The following NTM variants were observed in gnomAD, a reference collection of about 807,000 sequenced individuals.
NTM encodes the protein neurotrimin.
NTM carries 13 observed loss-of-function variants against 42.1 expected under a neutral mutation model. The ratio of observed to expected loss-of-function variants is 0.31; its 90% CI spans 0.20 to 0.49. The LOEUF (loss-of-function observed/expected upper bound fraction) is 0.49, where lower values mean the gene tolerates loss of function less well. NTM is among the 20% of genes least tolerant of loss of function. The pLI is 0.99. For synonymous variants in NTM, 187 were observed against 179.2 expected (o/e 1.04, Z -0.35); for missense variants, 373 against 452.8 (o/e 0.82, Z 1.60).
chr11:131,396,129 A>C (rs1017463817), intron 1 of NTM, among the ~76,000 whole-genome samples: 1 of 152,196 alleles, frequency 6.6e-6, no homozygotes, highest in Admixed American at 6.5e-5. Flanking sequence ...TCAGGTAAAG[A>C]ATTATCTTTC....
At chr11:131,703,105 A>G (rs1592627839) in intron 1 of NTM, among the ~76,000 whole-genome samples, 1 of 152,230 alleles carries the variant, frequency 6.6e-6, no homozygotes, top group East Asian at 1.9e-4. Context: ...CATTAACATT[A>G]GAAGTATTGA....
intron 2 of NTM, among the ~76,000 whole-genome samples, chr11:131,945,813 G>A (rs2060277231): frequency 6.6e-6 from 1 of 152,150 alleles, no homozygotes; most frequent in Non-Finnish European, 1.5e-5. Context: ...CACTCTGATG[G>A]CTCCATTCAG....
chr11:131,680,104 C>T (rs1185731098), intron 1 of NTM, among the ~76,000 whole-genome samples: 1 of 152,056 alleles, frequency 6.6e-6, no homozygotes, highest in East Asian at 1.9e-4. Flanking sequence ...AAGATGTGAA[C>T]CCAGACAAAG....
intron 2 of NTM, among the ~76,000 whole-genome samples, chr11:132,028,587 G>C (rs1383766984): frequency 6.6e-6 from 1 of 152,082 alleles, no homozygotes; most frequent in East Asian, 1.9e-4. Flanking sequence ...CTTCTATAGA[G>C]CCATGAGTAG....
At chr11:131,722,761 A>T (rs1229182148) in intron 1 of NTM, among the ~76,000 whole-genome samples, 1 of 152,220 alleles carries the variant, frequency 6.6e-6, no homozygotes, top group Non-Finnish European at 1.5e-5. Flanking sequence ...GGCCTGGAAC[A>T]CCAGCTCTTC....
At chr11:132,203,077 C>G (rs1394574973) in intron 3 of NTM, among the ~76,000 whole-genome samples, 1 of 152,162 alleles carries the variant, frequency 6.6e-6, no homozygotes, top group Non-Finnish European at 1.5e-5. Context: ...AAAATGATGG[C>G]AGCAAGCGCA....
chr11:131,538,921 C>CATTTT (rs371141569), intron 1 of NTM, among the ~76,000 whole-genome samples: 1 of 102,390 alleles, frequency 9.8e-6, no homozygotes, highest in Non-Finnish European at 1.9e-5. Flanking sequence ...GTTAACTTAG[C>CATTTT]TTTTTTTTTT....
At chr11:131,688,118 G>A (rs1195510690) in intron 1 of NTM, among the ~76,000 whole-genome samples, 2 of 152,198 alleles carry the variant, frequency 1.3e-5, no homozygotes, top group African/African-American at 4.8e-5. Context: ...TCTGGATGAG[G>A]AGCCGCAGAT....
At chr11:132,076,012 C>T (rs2058316613) in intron 2 of NTM, among the ~76,000 whole-genome samples, 1 of 152,014 alleles carries the variant, frequency 6.6e-6, no homozygotes, top group African/African-American at 2.4e-5. Context: ...TTTTTTTAAA[C>T]AACAGATACA....
chr11:131,935,111 G>A (rs896851065), intron 2 of NTM, among the ~76,000 whole-genome samples: 1 of 152,196 alleles, frequency 6.6e-6, no homozygotes, highest in East Asian at 1.9e-4. Flanking sequence ...TGGTGAAGCA[G>A]ACTAAGCTGA....
At chr11:131,821,446 G>T (rs908742384) in intron 1 of NTM, among the ~76,000 whole-genome samples, 2 of 152,192 alleles carry the variant, frequency 1.3e-5, no homozygotes, top group South Asian at 4.1e-4. Flanking sequence ...CAAGTCGGTG[G>T]TCACGCCAGC....
intron 1 of NTM, among the ~76,000 whole-genome samples, chr11:131,840,342 G>A (rs2044076577): frequency 6.6e-6 from 1 of 152,148 alleles, no homozygotes; most frequent in South Asian, 2.1e-4. Flanking sequence ...CCCTCAGGAG[G>A]CAAACCAAGA....
chr11:131,764,315 C>A (rs938364289), intron 1 of NTM, among the ~76,000 whole-genome samples: 1 of 152,098 alleles, frequency 6.6e-6, no homozygotes, highest in African/African-American at 2.4e-5. Flanking sequence ...CAGATGGAAC[C>A]GGTCTCTTTT....
intron 1 of NTM, among the ~76,000 whole-genome samples, chr11:131,670,320 C>CCTTTCTTT (rs113552382): frequency 4.0e-5 from 6 of 151,896 alleles, no homozygotes; most frequent in African/African-American, 1.2e-4. Flanking sequence ...TCAAATCTTT[C>CCTTTCTTT]CTTTCTTTCT....
At chr11:131,883,146 T>C (rs78360021) in intron 1 of NTM, among the ~76,000 whole-genome samples, 1 of 152,362 alleles carries the variant, frequency 6.6e-6, no homozygotes, top group East Asian at 1.9e-4. Context: ...TCAAAGATTT[T>C]TTTCTTGGGC....
At chr11:132,144,520 AGTT>A (rs1196472160) in intron 2 of NTM, among the ~76,000 whole-genome samples, 1 of 152,236 alleles carries the variant, frequency 6.6e-6, no homozygotes, top group African/African-American at 2.4e-5. Context: ...AAATGATATA[AGTT>A]GTCCTAGACA....
chr11:131,780,460 G>T (rs1453135876), intron 1 of NTM, among the ~76,000 whole-genome samples: 1 of 152,132 alleles, frequency 6.6e-6, no homozygotes, highest in Non-Finnish European at 1.5e-5. Context: ...GATGCCTGTA[G>T]GACTGAGGTA....
At chr11:131,376,562 C>T (rs902738592) in intron 1 of NTM, among the ~76,000 whole-genome samples, 4 of 152,076 alleles carry the variant, frequency 2.6e-5, no homozygotes, top group Admixed American at 6.5e-5. Flanking sequence ...ATTTTCATTG[C>T]GGAGAAGAGC....
intron 3 of NTM, among the ~76,000 whole-genome samples, chr11:132,153,100 A>G (rs2072346015): frequency 6.6e-6 from 1 of 152,212 alleles, no homozygotes; most frequent in Non-Finnish European, 1.5e-5. Flanking sequence ...CCCATGGGAA[A>G]GTCTGTAAGC....
Sources: allele counts gnomAD v4.1 joint callset (sites outside exome capture counted in the v4.1 genomes callset), GRCh38; gene constraint gnomAD v4.1.1; transcripts MANE v1.5; gene names NCBI Gene and HGNC (gene_info 2026-07-23, HGNC 2026-07-21).